Variants in ATP11A observed in about 807,000 individuals in gnomAD.
The protein encoded by ATP11A is phospholipid-transporting ATPase IH.
A neutral mutation model predicts 154.4 loss-of-function variants in ATP11A; 81 were observed. The ratio of observed to expected loss-of-function variants is 0.52; its 90% CI spans 0.44 to 0.63. The LOEUF is 0.63. ATP11A is among the 30% of genes least tolerant of loss of function. ATP11A has a pLI of 0.00. For missense variants in ATP11A, 1,316 were observed against 1,474.3 expected, an observed-to-expected ratio of 0.89 and a Z score of 1.76; for synonymous variants, 623 against 585.9, an observed-to-expected ratio of 1.06 and a Z score of -0.91.
At chr13:112,805,957 C>G (rs9604456) in intron 3 of ATP11A, among the ~76,000 whole-genome samples, 46,090 of 151,450 alleles carry the variant, frequency 0.3, 7,129 homozygotes, top group Middle Eastern at 0.35. Flanking sequence ...AAGGCGTGCC[C>G]CGACTTCAGA....
intron 23 of ATP11A, 45 bp from the exon 24 acceptor site, chr13:112,860,242 T>G (rs2080061842): frequency 1.3e-6 from 2 of 1,581,176 alleles, no homozygotes; most frequent in Non-Finnish European, 1.7e-6. Context: ...AAAAAGTTTG[T>G]AACAATGCAC....
At chr13:112,734,969 G>C (rs1890849945) in intron 1 of ATP11A, among the ~76,000 whole-genome samples, 1 of 152,168 alleles carries the variant, frequency 6.6e-6, no homozygotes, top group South Asian at 2.1e-4. Flanking sequence ...GGGGCTTCTA[G>C]TCTCCCTTCC....
intron 12 of ATP11A, among the ~76,000 whole-genome samples, chr13:112,830,824 G>A (rs1047731000): frequency 4.6e-5 from 7 of 152,084 alleles, no homozygotes; most frequent in African/African-American, 1.2e-4. Flanking sequence ...AGTTTAAGAC[G>A]GGTTGTATCT....
intron 1 of ATP11A, among the ~76,000 whole-genome samples, chr13:112,775,714 C>T (rs982876827): frequency 2.6e-5 from 4 of 151,798 alleles, no homozygotes; most frequent in African/African-American, 9.7e-5. Context: ...TTCATAATGC[C>T]CCCCCCGCCT....
At chr13:112,856,254 C>T (rs935343504) in intron 20 of ATP11A, 169 bp downstream of exon 20, 22 of 658,064 alleles carry the variant, frequency 3.3e-5, no homozygotes, top group Middle Eastern at 4.4e-4. Context: ...TTTTGCTTGT[C>T]GGGCCAGCTT....
Position 112,789,316 on chromosome 13 carries a change from C to G in ATP11A, c.162+4059C>G, listed in dbSNP as rs117942387. Among the ~76,000 whole-genome samples, 1,077 of 150,432 alleles carry G rather than the reference C, an allele frequency of 7.2e-3. 9 individuals carry two copies. Among genetic ancestry groups the G allele is most frequent in the Non-Finnish European group, 0.011 (747 of 67,590 alleles). Reference sequence around the variant, plus strand: ...ACACCAGGTGTCCTGATGTGTAGACCTCTGTGGAGACCTACTTAATTCACA... The same window carrying G: ...ACACCAGGTGTCCTGATGTGTAGACGTCTGTGGAGACCTACTTAATTCACA... On this transcript the variant is annotated intron_variant, in intron 2 of 29. Transcript: ENST00000375645.
At chr13:112,759,494 A>G (rs1011192811) in intron 1 of ATP11A, among the ~76,000 whole-genome samples, 1 of 152,240 alleles carries the variant, frequency 6.6e-6, no homozygotes, top group Non-Finnish European at 1.5e-5. Flanking sequence ...GCGATGTAAC[A>G]AATTCAGCCA....
chr13:112,865,968 C>T (rs1019419034), intron 25 of ATP11A, among the ~76,000 whole-genome samples: 2 of 152,232 alleles, frequency 1.3e-5, no homozygotes, highest in African/African-American at 2.4e-5. Context: ...ATGAATTCCA[C>T]GTTGAGCCCG....
chr13:112,741,478 G>A (rs1237403307), intron 1 of ATP11A, among the ~76,000 whole-genome samples: 1 of 152,192 alleles, frequency 6.6e-6, no homozygotes, highest in Non-Finnish European at 1.5e-5. Flanking sequence ...TCATGGTGGA[G>A]GGCAGAGAAC....
intron 5 of ATP11A, 137 bp from the exon 6 acceptor site, chr13:112,815,946 T>C (rs2078634252): frequency 3.3e-6 from 4 of 1,223,856 alleles, no homozygotes; most frequent in Admixed American, 4.4e-5. Flanking sequence ...CTGGCAAGAG[T>C]CTTTTCCTGA....
At chr13:112,824,567 A>T (rs751968819) in intron 10 of ATP11A, 142 bp downstream of exon 10, 42 of 724,128 alleles carry the variant, frequency 5.8e-5, no homozygotes, top group Non-Finnish European at 9.4e-5. Context: ...GACCATTCAG[A>T]TGGTCTTTCT....
At chr13:112,843,877 T>C (rs573510658) in intron 17 of ATP11A, among the ~76,000 whole-genome samples, 10 of 152,358 alleles carry the variant, frequency 6.6e-5, no homozygotes, top group South Asian at 6.2e-4. Flanking sequence ...GTAGCTGCGT[T>C]GGAGCCAACA....
intron 28 of ATP11A, among the ~76,000 whole-genome samples, chr13:112,876,417 C>T (rs576115283): frequency 5.9e-5 from 9 of 152,008 alleles, no homozygotes; most frequent in African/African-American, 1.9e-4. Context: ...TGCCGAGTGT[C>T]CCCCCAGGTG....
intron 1 of ATP11A, among the ~76,000 whole-genome samples, chr13:112,734,800 C>G (rs1046839175): frequency 6.6e-6 from 1 of 152,182 alleles, no homozygotes; most frequent in Non-Finnish European, 1.5e-5. Flanking sequence ...ACTATGGTGC[C>G]TGGTGGGGTG....
intron 2 of ATP11A, among the ~76,000 whole-genome samples, chr13:112,798,479 A>G (rs56312721): frequency 0.013 from 2,041 of 152,282 alleles, 43 homozygotes; most frequent in African/African-American, 0.045. Context: ...CAGAATGATA[A>G]TAGCATTTAC....
At chr13:112,872,242 G>T (rs938220762) in intron 26 of ATP11A, among the ~76,000 whole-genome samples, 1 of 152,206 alleles carries the variant, frequency 6.6e-6, no homozygotes, top group African/African-American at 2.4e-5. Flanking sequence ...CTATCAGACT[G>T]AGTCTTAAAA....
At chr13:112,711,209 A>AG (rs747330382) in intron 1 of ATP11A, among the ~76,000 whole-genome samples, 3 of 152,208 alleles carry the variant, frequency 2.0e-5, no homozygotes, top group African/African-American at 7.2e-5. Context: ...TTAAAAAAAA[A>AG]TGCTGAAATT....
chr13:112,725,304 C>T (rs1274211131), intron 1 of ATP11A, among the ~76,000 whole-genome samples: 1 of 152,144 alleles, frequency 6.6e-6, no homozygotes, highest in Admixed American at 6.5e-5. Flanking sequence ...GCAGAGTGAC[C>T]AAAAGAAGAC....
chr13:112,691,771 G>C (rs1885229367), intron 1 of ATP11A, among the ~76,000 whole-genome samples: 1 of 152,052 alleles, frequency 6.6e-6, no homozygotes, highest in African/African-American at 2.4e-5. Flanking sequence ...CTTTTCAGTG[G>C]GGGATGCCAG....
Sources: gnomAD v4.1 joint callset for allele counts (sites outside exome capture counted in the v4.1 genomes callset) on GRCh38, gnomAD v4.1.1 for gene constraint, MANE v1.5 for transcripts, NCBI Gene and HGNC (gene_info 2026-07-23, HGNC 2026-07-21) for gene names.